The following RANBP2 variants were observed in gnomAD, a reference collection of about 807,000 sequenced individuals.
The protein encoded by RANBP2 is E3 SUMO-protein ligase RanBP2.
In RANBP2, 57 loss-of-function variants were observed where a neutral mutation model predicts 303.6. The observed-to-expected ratio is 0.19, with a 90% CI of 0.15 to 0.23. The LOEUF (loss-of-function observed/expected upper bound fraction) is 0.23. Ranked by LOEUF, RANBP2 falls within the 10% of genes least tolerant of loss-of-function variation. The probability of loss-of-function intolerance (pLI) is 1.00; values close to 1 mark genes in which losing one functional copy is unlikely to be tolerated. For synonymous variants in RANBP2, 1,167 were observed against 1,301.5 expected (o/e 0.90, Z 2.23); for missense variants, 3,138 against 3,780.8 (o/e 0.83, Z 4.46).
the RANBP2 span, among the ~76,000 whole-genome samples, chr2:109,054,584 C>T: frequency 6.6e-6 from 1 of 151,818 alleles, no homozygotes; most frequent in African/African-American, 2.4e-5. Context: ...CCTGTAGTCC[C>T]AGCTCCTTGG....
At chr2:109,550,276 G>C in the RANBP2 span, among the ~76,000 whole-genome samples, 1 of 150,936 alleles carries the variant, frequency 6.6e-6, no homozygotes, top group Admixed American at 6.6e-5. Context: ...GGCAACAAAA[G>C]CAAGACTCAG....
chr2:109,022,097 G>A, the RANBP2 span, among the ~76,000 whole-genome samples: 3 of 152,332 alleles, frequency 2.0e-5, no homozygotes, highest in African/African-American at 7.2e-5. Flanking sequence ...GGCAGGCACC[G>A]GCTGCTGTGG....
At chr2:109,544,113 C>A in the RANBP2 span, 1 of 1,509,422 alleles carries the variant, frequency 6.6e-7, no homozygotes. Flanking sequence ...AGATGCTCAA[C>A]TTGTAGTATC....
intron 4 of RANBP2, 155 bp downstream of exon 4, chr2:108,731,629 A>T (rs1236200334): frequency 1.4e-6 from 2 of 1,401,976 alleles, no homozygotes; most frequent in Non-Finnish European, 1.9e-6. Context: ...CTTTCTGAGC[A>T]TCTACTGTCT....
chr2:109,073,615 G>A, the RANBP2 span, among the ~76,000 whole-genome samples: 1 of 150,034 alleles, frequency 6.7e-6, no homozygotes, highest in African/African-American at 2.4e-5. Context: ...GTTGCAGTGA[G>A]CTGAGATTGC....
the RANBP2 span, among the ~76,000 whole-genome samples, chr2:109,143,089 G>A: frequency 7.2e-5 from 11 of 152,216 alleles, no homozygotes; most frequent in African/African-American, 2.6e-4. Context: ...CAGTGTGGGG[G>A]GCCTGCCATG....
chr2:109,554,674 T>C, the RANBP2 span, among the ~76,000 whole-genome samples: 1 of 152,354 alleles, frequency 6.6e-6, no homozygotes, highest in Non-Finnish European at 1.5e-5. Context: ...TTTTTTTTCT[T>C]ATCAATGTTA....
At chr2:109,613,009 G>A in the RANBP2 span, 1 of 495,376 alleles carries the variant, frequency 2.0e-6, no homozygotes, top group Non-Finnish European at 3.8e-6. Flanking sequence ...TGTTTACACA[G>A]ATGAAAACCA....
At chr2:109,611,939 A>G in the RANBP2 span, among the ~76,000 whole-genome samples, 11 of 152,214 alleles carry the variant, frequency 7.2e-5, no homozygotes, top group Admixed American at 1.3e-4. Context: ...TACAAAACTA[A>G]GCATGCAACT....
At chr2:109,167,529 T>G in the RANBP2 span, among the ~76,000 whole-genome samples, 1 of 152,152 alleles carries the variant, frequency 6.6e-6, no homozygotes, top group African/African-American at 2.4e-5. Context: ...CATCCCCCAT[T>G]GGTATTGTTT....
At chr2:108,736,987 A>G (rs965629644) in intron 6 of RANBP2, among the ~76,000 whole-genome samples, 4 of 142,570 alleles carry the variant, frequency 2.8e-5, no homozygotes, top group African/African-American at 1.1e-4. Flanking sequence ...GTAAAGCCAG[A>G]TTAGTATTCT....
the RANBP2 span, among the ~76,000 whole-genome samples, chr2:109,008,785 C>T: frequency 3.4e-4 from 51 of 151,284 alleles, 1 homozygote; most frequent in African/African-American, 1.2e-3. Flanking sequence ...GCCTGTAGTC[C>T]CAGCTACTCA....
the RANBP2 span, among the ~76,000 whole-genome samples, chr2:108,993,684 G>A: frequency 1.3e-5 from 2 of 152,292 alleles, no homozygotes; most frequent in South Asian, 2.1e-4. Flanking sequence ...TGGGCTTTGC[G>A]TTGATTGTAC....
the RANBP2 span, among the ~76,000 whole-genome samples, chr2:109,210,225 TTC>T: frequency 6.6e-6 from 1 of 152,256 alleles, no homozygotes; most frequent in Admixed American, 6.5e-5. Context: ...ATTTGGGTGT[TTC>T]TGCCTTTTGG....
the RANBP2 span, among the ~76,000 whole-genome samples, chr2:109,629,266 G>T: frequency 7.7e-6 from 1 of 129,742 alleles, no homozygotes; most frequent in African/African-American, 2.9e-5. Context: ...AAATACTGAA[G>T]AGCTGCCAGC....
At chr2:109,704,679 G>A in the RANBP2 span, among the ~76,000 whole-genome samples, 2 of 151,760 alleles carry the variant, frequency 1.3e-5, no homozygotes, top group Non-Finnish European at 1.5e-5. Context: ...GCGAAACCTC[G>A]TCTCTACTAA....
At chr2:108,739,853 T>A (rs538808895) in intron 6 of RANBP2, among the ~76,000 whole-genome samples, 1 of 152,210 alleles carries the variant, frequency 6.6e-6, no homozygotes, top group South Asian at 2.1e-4. Flanking sequence ...CGGGGCATGG[T>A]GGCAGGTGCC....
At chr2:109,737,524 C>CA in the RANBP2 span, 1 of 557,450 alleles carries the variant, frequency 1.8e-6, no homozygotes, top group African/African-American at 1.9e-5. Flanking sequence ...GGCACCATGG[C>CA]AGTAGTGGAG....
chr2:109,118,932 C>A, the RANBP2 span, among the ~76,000 whole-genome samples: 3 of 152,168 alleles, frequency 2.0e-5, no homozygotes, highest in Non-Finnish European at 2.9e-5. Flanking sequence ...AGGTGGTGAC[C>A]ACCTGGCTGC....
Sources: gnomAD v4.1 joint callset for allele counts (sites outside exome capture counted in the v4.1 genomes callset) on GRCh38, gnomAD v4.1.1 for gene constraint, MANE v1.5 for transcripts, NCBI Gene and HGNC (gene_info 2026-07-23, HGNC 2026-07-21) for gene names.